Variants in FBLN2 observed in about 807,000 individuals in gnomAD.
FBLN2 encodes fibulin-2.
Under a neutral mutation model 123.7 loss-of-function variants are expected in FBLN2, and 81 were observed. That is an observed-to-expected ratio of 0.65 (90% CI 0.55 to 0.79). The LOEUF is 0.79. Ranked by LOEUF, FBLN2 falls within the 30% of genes least tolerant of loss-of-function variation. The pLI, the probability that FBLN2 is intolerant of heterozygous loss-of-function variation, is 0.00. For missense variants in FBLN2, 1,603 were observed against 1,681.3 expected, an observed-to-expected ratio of 0.95 and a Z score of 0.81; for synonymous variants, 699 against 701.4, an observed-to-expected ratio of 1.00 and a Z score of 0.05.
Position 13,621,958 on chromosome 3 carries a change from G to A in FBLN2, c.2296+43G>A, listed in dbSNP as rs770902712. The A allele has an allele frequency of 7.1e-5, 114 of 1,595,848 alleles. No homozygotes were observed. In the Admixed American group the frequency reaches 9.4e-4, roughly 13 times the overall value. The stretch of plus-strand genomic sequence containing the variant: ...CTGCCGCCCGCCGTCACAGCTCTCC[G>A]CTCTGCTCCACGCCAAGCCCACCAC... On this transcript the variant is annotated intron_variant, in intron 9 of 17. Coordinates refer to ENST00000404922, the MANE Select transcript of FBLN2 (RefSeq NM_001004019.2).
chr3:13,633,840 A>G (rs1706348838), intron 16 of FBLN2, among the ~76,000 whole-genome samples: 1 of 152,142 alleles, frequency 6.6e-6, no homozygotes, highest in South Asian at 2.1e-4. Flanking sequence ...TGCCCAGCAC[A>G]TAGTAGGTGC....
chr3:13,549,737 C>T (rs1055073211), intron 1 of FBLN2, among the ~76,000 whole-genome samples: 2 of 151,932 alleles, frequency 1.3e-5, no homozygotes, highest in Non-Finnish European at 2.9e-5. Flanking sequence ...GAAGTTTCTG[C>T]ACGCTCTGCA....
intron 5 of FBLN2, among the ~76,000 whole-genome samples, chr3:13,617,143 A>ATCCATCCATCCATCCATCCATCC (rs1553621511): frequency 3.5e-4 from 47 of 134,634 alleles, no homozygotes; most frequent in African/African-American, 3.7e-4. Context: ...TCCATTCATC[A>ATCCATCCATCCATCCATCCATCC]ATCCATCCAT....
intron 2 of FBLN2, among the ~76,000 whole-genome samples, chr3:13,603,914 T>A (rs1335009198): frequency 6.6e-6 from 1 of 152,336 alleles, no homozygotes; most frequent in Non-Finnish European, 1.5e-5. Context: ...TCCTGACTTT[T>A]TAATGATCAC....
At chr3:13,609,692 G>GGGGGGGGC in intron 4 of FBLN2, 50 bp downstream of exon 4, 14 of 508,388 alleles carry the variant, frequency 2.8e-5, no homozygotes, top group Non-Finnish European at 4.5e-5. Context: ...GGCGGGGCGG[G>GGGGGGGGC]AGGCTGGCCT....
At chr3:13,607,745 C>T (rs942308244) in intron 2 of FBLN2, among the ~76,000 whole-genome samples, 46 of 152,246 alleles carry the variant, frequency 3.0e-4, no homozygotes, top group African/African-American at 9.6e-4. Context: ...CTGTGGCCCA[C>T]GTGAGGTCTG....
intron 3 of FBLN2, among the ~76,000 whole-genome samples, chr3:13,609,239 C>T (rs2292901): frequency 0.043 from 6,481 of 152,292 alleles, 189 homozygotes; most frequent in East Asian, 0.13. Context: ...CCTCCCCGAC[C>T]GTTGTGGGGG....
At chr3:13,612,467 G>A (rs1033020298) in intron 4 of FBLN2, among the ~76,000 whole-genome samples, 8 of 151,488 alleles carry the variant, frequency 5.3e-5, no homozygotes, top group East Asian at 1.9e-4. Context: ...TGCAAGCTCC[G>A]CCTCCCAGGT....
intron 1 of FBLN2, among the ~76,000 whole-genome samples, chr3:13,563,515 G>T (rs1703665251): frequency 6.6e-6 from 1 of 152,172 alleles, no homozygotes; most frequent in African/African-American, 2.4e-5. Flanking sequence ...CAGCTGAGAT[G>T]CAGTCTTGCC....
At chr3:13,562,128 C>G (rs1703626010) in intron 1 of FBLN2, among the ~76,000 whole-genome samples, 1 of 152,142 alleles carries the variant, frequency 6.6e-6, no homozygotes, top group Non-Finnish European at 1.5e-5. Context: ...TTCCTCTTAT[C>G]AGAGAAGGAG....
At chr3:13,568,831 A>AC in intron 1 of FBLN2, 1 of 985,274 alleles carries the variant, frequency 1.0e-6, no homozygotes, top group Non-Finnish European at 1.2e-6. Flanking sequence ...CTGCCCCTCC[A>AC]CCCCTGAGGG....
Position 13,636,521 on chromosome 3 carries a change from C to T in FBLN2, c.3291C>T (p.Arg1097=), listed in dbSNP as rs1298948036. 5.6e-6 allele frequency: 9 copies of T among 1,613,668 alleles called. No individual in the cohort carries two copies. The highest frequency in any genetic ancestry group is 1.6e-4 in the Middle Eastern group (1 of 6,084). The part of the protein sequence containing the change: ...ETCHNIQGSF[R]CLRFECPPNY... ...GCCACAACATCCAGGGTAGCTTCCG[C>T]TGCCTGCGCTTCGAGTGTCCTCCCA... Residue 1097 remains arginine, a synonymous_variant, in exon 17 of 18, where the codon CGC becomes CGT. Transcript: ENST00000404922.
At chr3:13,565,483 A>C (rs1703717889) in intron 1 of FBLN2, among the ~76,000 whole-genome samples, 1 of 152,240 alleles carries the variant, frequency 6.6e-6, no homozygotes. Flanking sequence ...AGGAATGGCT[A>C]GGCGCAGAGG....
chr3:13,609,692 G>GGGGC, intron 4 of FBLN2, 50 bp downstream of exon 4: 6 of 508,388 alleles, frequency 1.2e-5, no homozygotes, highest in East Asian at 6.4e-5. Context: ...GGCGGGGCGG[G>GGGGC]AGGCTGGCCT....
intron 10 of FBLN2, 108 bp downstream of exon 10, chr3:13,626,687 C>A: frequency 1.7e-6 from 2 of 1,147,590 alleles, no homozygotes; most frequent in Non-Finnish European, 2.4e-6. Flanking sequence ...TTAGGCCTGG[C>A]CACGCCCCTC....
At chr3:13,621,656 G>C in intron 8 of FBLN2, 119 bp from the exon 9 acceptor site, 2 of 1,064,558 alleles carry the variant, frequency 1.9e-6, no homozygotes, top group Non-Finnish European at 1.4e-6. Context: ...AGTCAGGCGG[G>C]GAGGCCCCAG....
chr3:13,573,294 C>G (rs1028451070), intron 2 of FBLN2, among the ~76,000 whole-genome samples: 3 of 152,072 alleles, frequency 2.0e-5, no homozygotes, highest in Non-Finnish European at 4.4e-5. Context: ...TTTCCCCCGC[C>G]TGGAGCACCC....
intron 1 of FBLN2, among the ~76,000 whole-genome samples, chr3:13,564,711 C>T (rs529823668): frequency 6.6e-6 from 1 of 152,308 alleles, no homozygotes; most frequent in Admixed American, 6.5e-5. Context: ...AAGGTGGGAC[C>T]CCCCCACCTT....
At chr3:13,627,713 G>A in intron 10 of FBLN2, 119 bp from the exon 11 acceptor site, 1 of 1,308,394 alleles carries the variant, frequency 7.6e-7, no homozygotes, top group Non-Finnish European at 1.0e-6. Context: ...CAGCTTCCCA[G>A]GGAGATCTTT....
Sources: allele counts gnomAD v4.1 joint callset (sites outside exome capture counted in the v4.1 genomes callset), GRCh38; gene constraint gnomAD v4.1.1; transcripts MANE v1.5; gene names NCBI Gene and HGNC (gene_info 2026-07-23, HGNC 2026-07-21).